Variants in SLC14A2 observed in about 807,000 individuals in gnomAD.
SLC14A2 encodes the protein urea transporter 2.
Under a neutral mutation model 104.6 loss-of-function variants are expected in SLC14A2, and 91 were observed. That is an observed-to-expected ratio of 0.87 (90% CI 0.73 to 1.04). The LOEUF (loss-of-function observed/expected upper bound fraction) is 1.04, where lower values mean the gene tolerates loss of function less well. SLC14A2 is among the 50% of genes least tolerant of loss of function. SLC14A2 has a pLI of 0.00. For synonymous variants in SLC14A2, 476 were observed against 466.4 expected (o/e 1.02, Z -0.27); for missense variants, 1,189 against 1,156.0 (o/e 1.03, Z -0.41).
At chr18:45,446,100 G>T (rs575740152) in intron 1 of SLC14A2, among the ~76,000 whole-genome samples, 1 of 152,290 alleles carries the variant, frequency 6.6e-6, no homozygotes, top group African/African-American at 2.4e-5. Flanking sequence ...TGTCACCATG[G>T]GGATAATATG....
chr18:45,168,119 T>C, the SLC14A2 span, among the ~76,000 whole-genome samples: 3 of 152,212 alleles, frequency 2.0e-5, no homozygotes, highest in African/African-American at 7.2e-5. Context: ...TTCAATATGC[T>C]AAATAATCCT....
chr18:45,293,707 G>A (rs2084893666), intron 1 of SLC14A2, among the ~76,000 whole-genome samples: 2 of 152,234 alleles, frequency 1.3e-5, no homozygotes, highest in African/African-American at 4.8e-5. Flanking sequence ...CCAGTGTGCA[G>A]TGTGTTTCTT....
At chr18:45,296,815 C>CTTT (rs144520512) in intron 1 of SLC14A2, among the ~76,000 whole-genome samples, 28,096 of 152,000 alleles carry the variant, frequency 0.18, 3,067 homozygotes, top group African/African-American at 0.3. Context: ...TGTATTTTTC[C>CTTT]CAGGGTAGCC....
intron 1 of SLC14A2, among the ~76,000 whole-genome samples, chr18:45,344,962 C>G (rs952119407): frequency 6.6e-6 from 1 of 152,190 alleles, no homozygotes; most frequent in Non-Finnish European, 1.5e-5. Flanking sequence ...GTGGCCTCTT[C>G]CCAAGGAATT....
At chr18:45,218,555 T>C (rs927299760) in intron 1 of SLC14A2, among the ~76,000 whole-genome samples, 2 of 152,198 alleles carry the variant, frequency 1.3e-5, no homozygotes, top group African/African-American at 4.8e-5. Context: ...TTCCTAAAAA[T>C]ATATGCCATG....
rs767610721 is a variant in SLC14A2, at chr18:45,641,263, A to G, written c.1046A>G (p.Asn349Ser). 1.9e-6 allele frequency: 3 copies of G among 1,614,140 alleles called. No individual in the cohort carries two copies. The highest frequency in any genetic ancestry group is 1.1e-5 in the South Asian group (1 of 91,082). The stretch of plus-strand genomic sequence containing the variant: ...ATCTACACAGGCCTCTGGAGCTACA[A>G]CTGCGTCCTCTCCTGCATCGCCATC... Reference protein sequence around the residue: ...ETIYTGLWSYNCVLSCIAIGG... With the variant: ...ETIYTGLWSYSCVLSCIAIGG... Residue 349 changes from asparagine (N) to serine (S), a missense_variant, in exon 8 of 20, where the codon AAC becomes AGC. Asn to Ser is a conservative substitution (Grantham distance 46). Coordinates refer to ENST00000255226, the MANE Select transcript of SLC14A2 (RefSeq NM_007163.4).
chr18:45,606,726 A>G (rs1473608773), intron 2 of SLC14A2, among the ~76,000 whole-genome samples: 3 of 147,406 alleles, frequency 2.0e-5, no homozygotes, highest in Admixed American at 6.9e-5. Context: ...TAACTGACAA[A>G]GTCTAATTAA....
At chr18:45,417,036 A>G (rs2086285282) in intron 1 of SLC14A2, among the ~76,000 whole-genome samples, 1 of 152,224 alleles carries the variant, frequency 6.6e-6, no homozygotes, top group African/African-American at 2.4e-5. Flanking sequence ...CTAGAAAGAA[A>G]ATAATTACAT....
intron 16 of SLC14A2, among the ~76,000 whole-genome samples, chr18:45,670,843 T>G (rs1471537201): frequency 2.0e-5 from 3 of 152,158 alleles, no homozygotes; most frequent in African/African-American, 7.2e-5. Context: ...TATATTTTTT[T>G]GTAGAGATCG....
At chr18:45,190,321 A>G in the SLC14A2 span, among the ~76,000 whole-genome samples, 49 of 152,210 alleles carry the variant, frequency 3.2e-4, no homozygotes, top group Non-Finnish European at 4.6e-4. Context: ...GGATAGACAA[A>G]TAAATGAGTA....
chr18:45,538,325 A>G (rs182253388), intron 2 of SLC14A2, among the ~76,000 whole-genome samples: 1 of 152,286 alleles, frequency 6.6e-6, no homozygotes, highest in East Asian at 1.9e-4. Context: ...AACCCACTAC[A>G]TTCCAATGGC....
intron 2 of SLC14A2, among the ~76,000 whole-genome samples, chr18:45,498,845 A>G (rs2043145120): frequency 6.6e-6 from 1 of 152,190 alleles, no homozygotes; most frequent in Non-Finnish European, 1.5e-5. Flanking sequence ...TTCTGCACTC[A>G]CTGTCTCTCC....
the SLC14A2 span, among the ~76,000 whole-genome samples, chr18:45,174,315 T>TC: frequency 1.3e-5 from 2 of 152,142 alleles, no homozygotes; most frequent in African/African-American, 4.8e-5. Flanking sequence ...CTGATGGATT[T>TC]CCAGGTGACT....
At chr18:45,321,837 C>T (rs866729599) in intron 1 of SLC14A2, among the ~76,000 whole-genome samples, 3 of 152,120 alleles carry the variant, frequency 2.0e-5, no homozygotes, top group African/African-American at 7.2e-5. Context: ...CTAAAGGGCA[C>T]CAGTCAGTAG....
At position 45,331,532 on chromosome 18, in the gene SLC14A2, T is replaced by TA. The variant is rs1037129382; in HGVS notation, c.-125+118350dup. The stretch of plus-strand genomic sequence containing the variant: ...CGTGAAACCCTGTCTGTACTAAAAA[T>TA]AAAAAAAAATTAGCCGGGCGTGGTG... On this transcript the variant is annotated intron_variant, in intron 1 of 20. Coordinates refer to the SLC14A2 transcript ENST00000586448. Among the ~76,000 whole-genome samples the TA allele has an allele frequency of 6.1e-5, 9 of 147,384 alleles. No individual in the cohort carries two copies. In the South Asian group the frequency reaches 6.4e-4, roughly 11 times the overall value.
chr18:45,597,422 A>T (rs911810285), intron 2 of SLC14A2, among the ~76,000 whole-genome samples: 2 of 152,212 alleles, frequency 1.3e-5, no homozygotes, highest in Admixed American at 1.3e-4. Context: ...TGATTTTGGC[A>T]TTTGTTACAG....
At chr18:45,511,605 C>A (rs1381787173) in intron 2 of SLC14A2, among the ~76,000 whole-genome samples, 3 of 152,168 alleles carry the variant, frequency 2.0e-5, no homozygotes, top group Non-Finnish European at 4.4e-5. Context: ...AAGTGAGCAC[C>A]TTGAAAGGTG....
At chr18:45,559,896 G>A (rs926758880) in intron 2 of SLC14A2, among the ~76,000 whole-genome samples, 1 of 152,212 alleles carries the variant, frequency 6.6e-6, no homozygotes, top group Non-Finnish European at 1.5e-5. Flanking sequence ...CCCAAAGGCT[G>A]TTCCCTAGGG....
chr18:45,327,836 G>T (rs2085251377), intron 1 of SLC14A2, among the ~76,000 whole-genome samples: 1 of 152,170 alleles, frequency 6.6e-6, no homozygotes, highest in African/African-American at 2.4e-5. Context: ...TATAGGGGTA[G>T]GAGTGAGCGA....
Sources: gnomAD v4.1 joint callset for allele counts (sites outside exome capture counted in the v4.1 genomes callset) on GRCh38, gnomAD v4.1.1 for gene constraint, MANE v1.5 for transcripts, NCBI Gene and HGNC (gene_info 2026-07-23, HGNC 2026-07-21) for gene names.